ABI2: variants seen among roughly 807,000 people sequenced by gnomAD.
ABI2 encodes abelson interactor 2.
Under a neutral mutation model 59.2 loss-of-function variants are expected in ABI2, and 25 were observed. That is an observed-to-expected ratio of 0.42 (90% CI 0.31 to 0.59). ABI2 has a LOEUF of 0.59. ABI2 is among the 20% of genes least tolerant of loss of function. The pLI, the probability that ABI2 is intolerant of heterozygous loss-of-function variation, is 0.14. For synonymous variants in ABI2, 213 were observed against 235.5 expected (o/e 0.90, Z 0.87); for missense variants, 545 against 681.8 (o/e 0.80, Z 2.23).
At chr2:203,352,259 A>G (rs979798373) in intron 1 of ABI2, among the ~76,000 whole-genome samples, 13 of 152,198 alleles carry the variant, frequency 8.5e-5, no homozygotes, top group African/African-American at 2.9e-4. Context: ...CAGAAGTTCA[A>G]GGTTACAGTG....
chr2:203,423,624 C>T (rs1227596689), intron 11 of ABI2, among the ~76,000 whole-genome samples: 3 of 152,130 alleles, frequency 2.0e-5, no homozygotes, highest in Non-Finnish European at 2.9e-5. Flanking sequence ...GGGGTTTCAC[C>T]ATATTGGCCA....
intron 4 of ABI2, among the ~76,000 whole-genome samples, chr2:203,386,756 A>C (rs1407351152): frequency 6.7e-6 from 1 of 149,834 alleles, no homozygotes; most frequent in Non-Finnish European, 1.5e-5. Flanking sequence ...TCCCTTCCTC[A>C]GACTTCCAAG....
At chr2:203,417,886 C>G (rs1253772560) in intron 11 of ABI2, among the ~76,000 whole-genome samples, 1 of 151,890 alleles carries the variant, frequency 6.6e-6, no homozygotes, top group Non-Finnish European at 1.5e-5. Flanking sequence ...CTTTATGTAG[C>G]TACTATAAAT....
At chr2:203,403,453 A>G (rs1252764426) in intron 9 of ABI2, 1 of 154,386 alleles carries the variant, frequency 6.5e-6, no homozygotes, top group Non-Finnish European at 1.5e-5. Context: ...AACTCATTCC[A>G]TTTTTGATAA....
intron 1 of ABI2, among the ~76,000 whole-genome samples, chr2:203,356,108 C>T (rs1304657320): frequency 6.6e-6 from 1 of 152,016 alleles, no homozygotes; most frequent in Non-Finnish European, 1.5e-5. Flanking sequence ...GATGATCCTT[C>T]CTACGGGTCT....
chr2:203,351,978 ATGT>A (rs2088944626), intron 1 of ABI2, among the ~76,000 whole-genome samples: 1 of 152,186 alleles, frequency 6.6e-6, no homozygotes, highest in African/African-American at 2.4e-5. Context: ...AGCCGTCCTA[ATGT>A]TGTAGCACAA....
At chr2:203,373,474 C>T in intron 2 of ABI2, among the ~76,000 whole-genome samples, 1 of 151,244 alleles carries the variant, frequency 6.6e-6, no homozygotes, top group East Asian at 1.9e-4. Flanking sequence ...AGAGGGAGAC[C>T]ATGGGCCGTG....
intron 1 of ABI2, among the ~76,000 whole-genome samples, chr2:203,352,194 C>G (rs1050327311): frequency 1.3e-5 from 2 of 152,084 alleles, no homozygotes; most frequent in African/African-American, 4.8e-5. Context: ...GGTGCTGCCC[C>G]CATGCCTATA....
intron 8 of ABI2, among the ~76,000 whole-genome samples, chr2:203,399,838 G>A (rs1028839976): frequency 1.3e-5 from 2 of 152,030 alleles, no homozygotes; most frequent in African/African-American, 4.8e-5. Flanking sequence ...TTTTGATGTT[G>A]TATTTCAAAT....
intron 9 of ABI2, 89 bp downstream of exon 9, chr2:203,402,823 G>A (rs982025581): frequency 2.7e-6 from 3 of 1,130,436 alleles, no homozygotes; most frequent in Non-Finnish European, 3.6e-6. Flanking sequence ...AATAGTGCAT[G>A]GTAGGTGGTT....
chr2:203,411,010 A>T (rs1325252768), intron 9 of ABI2, among the ~76,000 whole-genome samples: 4 of 151,136 alleles, frequency 2.6e-5, no homozygotes, highest in Non-Finnish European at 4.4e-5. Flanking sequence ...TATGTTTTAT[A>T]TATATAAAAC....
chr2:203,416,930 G>T lies in ABI2; in HGVS notation c.1302G>T (p.Pro434=). The T allele has an allele frequency of 6.2e-7, 1 of 1,612,604 alleles. No individual in the cohort carries two copies. Residue 434 remains proline (P), a synonymous_variant, in exon 11 of 12, where the codon CCG becomes CCT. Transcript: ENST00000261018. ...TAGTTTCAGATACACCACCTCCACC[G>T]CCACCTGTGGAAGAACCAGTCTTTG... is the stretch of plus-strand genomic sequence containing the variant. ...QENISDTPPP[P]PPVEEPVFDE...
intron 1 of ABI2, among the ~76,000 whole-genome samples, chr2:203,366,331 C>CT (rs2094443133): frequency 6.6e-6 from 1 of 151,908 alleles, no homozygotes; most frequent in Non-Finnish European, 1.5e-5. Flanking sequence ...AGGAAGGATC[C>CT]TTTTATTACT....
chr2:203,343,350 A>T (rs2081177675), intron 1 of ABI2, among the ~76,000 whole-genome samples: 1 of 152,242 alleles, frequency 6.6e-6, no homozygotes. Context: ...GACGACAGCG[A>T]GACTATGTCT....
At chr2:203,398,115 C>G (rs62182774) in intron 8 of ABI2, among the ~76,000 whole-genome samples, 203 of 152,308 alleles carry the variant, frequency 1.3e-3, no homozygotes, top group Admixed American at 2.9e-3. Flanking sequence ...TATATAAGAT[C>G]TTTACATGTT....
Position 203,328,494 on chromosome 2 carries a change from G to T in ABI2, c.-21G>T. On this transcript the variant is annotated 5_prime_UTR_variant, in exon 1 of 12. Coordinates refer to ENST00000261018, the MANE Select transcript of ABI2 (RefSeq NM_001375670.1). ...CTCCCTCTGCGACCTGTATGAGGAG[G>T]AGGAGGAGGAGGATGTGAAGATGGC... 6.3e-7 allele frequency: 1 copy of T among 1,580,330 alleles called. No homozygotes were observed. Among genetic ancestry groups the T allele is most frequent in the South Asian group, 1.1e-5 (1 of 87,822 alleles).
intron 1 of ABI2, among the ~76,000 whole-genome samples, chr2:203,336,294 A>G (rs970402118): frequency 6.6e-6 from 1 of 152,022 alleles, no homozygotes; most frequent in South Asian, 2.1e-4. Context: ...CTAAGTCTTC[A>G]CTCTTTTGGG....
chr2:203,370,051 T>G (rs895467317), intron 2 of ABI2, among the ~76,000 whole-genome samples: 2 of 152,092 alleles, frequency 1.3e-5, no homozygotes, highest in African/African-American at 4.8e-5. Flanking sequence ...ACAAAACAAA[T>G]AGTAAATACT....
At chr2:203,373,508 C>A (rs538758814) in intron 2 of ABI2, among the ~76,000 whole-genome samples, 2 of 139,936 alleles carry the variant, frequency 1.4e-5, no homozygotes, top group African/African-American at 3.2e-5. Context: ...GGAGAGGGAG[C>A]GGGAGAGGGA....
Sources: allele counts gnomAD v4.1 joint callset (sites outside exome capture counted in the v4.1 genomes callset), GRCh38; gene constraint gnomAD v4.1.1; transcripts MANE v1.5; gene names NCBI Gene and HGNC (gene_info 2026-07-23, HGNC 2026-07-21).